The following LYG1 variants were observed in gnomAD, a reference collection of about 807,000 sequenced individuals.
LYG1 encodes lysozyme g1.
LYG1 carries 17 observed loss-of-function variants against 21.7 expected under a neutral mutation model. The observed-to-expected ratio is 0.78, with a 90% CI of 0.54 to 1.18. LYG1 has a LOEUF of 1.18. Among genes scored for constraint, LYG1 ranks in the 50% most tolerant of loss-of-function variants. The probability of loss-of-function intolerance (pLI) is 0.00; values close to 1 mark genes in which losing one functional copy is unlikely to be tolerated. For missense variants in LYG1, 211 were observed against 238.1 expected (o/e 0.89, Z 0.75); for synonymous variants, 81 against 87.4 (o/e 0.93, Z 0.41).
chr2:99,304,193 G>T (rs1255841087), upstream of LYG1, among the ~76,000 whole-genome samples: 1 of 151,576 alleles, frequency 6.6e-6, no homozygotes, highest in Non-Finnish European at 1.5e-5. Context: ...TAATTGCCTT[G>T]TGTTGTGGGA....
intron 5 of LYG1, 135 bp from the exon 6 acceptor site, chr2:99,284,955 A>C: frequency 8.2e-7 from 1 of 1,226,712 alleles, no homozygotes; most frequent in Non-Finnish European, 1.1e-6. Flanking sequence ...TGCCACCGTC[A>C]GTCTCCTGTG....
At chr2:99,290,514 A>C (rs1046286301) in intron 5 of LYG1, among the ~76,000 whole-genome samples, 2 of 152,226 alleles carry the variant, frequency 1.3e-5, no homozygotes, top group African/African-American at 2.4e-5. Flanking sequence ...TTGAGAAATA[A>C]ATTTTTCTAA....
intron 1 of LYG1, among the ~76,000 whole-genome samples, chr2:99,299,614 G>C (rs1460415802): frequency 1.3e-5 from 2 of 151,670 alleles, no homozygotes; most frequent in Admixed American, 1.3e-4. Context: ...TAGTAAAGAC[G>C]GGGTTTCGCC....
At chr2:99,302,485 C>A (rs1221013983), upstream of LYG1, among the ~76,000 whole-genome samples, 1 of 152,166 alleles carries the variant, frequency 6.6e-6, no homozygotes, top group African/African-American at 2.4e-5. Flanking sequence ...CCAGGTTAGA[C>A]GTGTGTTCCT....
In LYG1 at chr2:99,292,616, C is replaced by T. The variant is rs927017016; in HGVS notation, c.68G>A (p.Gly23Glu). Residue 23 changes from glycine (G) to glutamate (E), a missense_variant, in exon 4 of 7, where the codon GGA becomes GAA. Transcript: ENST00000308528. ...CAGGCTTTGGATGTTTCCATAGCAT[C>T]CCCAGTTGCTGCTTTCAGACAAGTC... is the stretch of plus-strand genomic sequence containing the variant. ...LMDLSESSNW[G>E]CYGNIQSLDT... 6.2e-7 allele frequency: 1 copy of T among 1,614,032 alleles called. No individual in the cohort carries two copies. The highest frequency in any genetic ancestry group is 8.5e-7 in the Non-Finnish European group (1 of 1,179,892).
chr2:99,284,613 A>C, intron 6 of LYG1, 75 bp downstream of exon 6: 1 of 1,593,188 alleles, frequency 6.3e-7, no homozygotes, highest in South Asian at 1.1e-5. Context: ...AGTTTCGGGG[A>C]ATCTGGTGCA....
At chr2:99,293,795 C>T (rs2094127999) in intron 3 of LYG1, among the ~76,000 whole-genome samples, 1 of 152,106 alleles carries the variant, frequency 6.6e-6, no homozygotes, top group South Asian at 2.1e-4. Flanking sequence ...ACAATTCACA[C>T]CAGAATGGGG....
chr2:99,299,106 T>C (rs1241871712), intron 1 of LYG1, among the ~76,000 whole-genome samples: 2 of 151,806 alleles, frequency 1.3e-5, no homozygotes, highest in Non-Finnish European at 2.9e-5. Flanking sequence ...TTTGTATTTT[T>C]AGTAGAGATG....
chr2:99,300,090 T>C (rs1161411992), intron 1 of LYG1, among the ~76,000 whole-genome samples: 1 of 152,176 alleles, frequency 6.6e-6, no homozygotes, highest in Non-Finnish European at 1.5e-5. Context: ...TCTTTTTTTT[T>C]TTGAGAAAAA....
chr2:99,285,900 T>C (rs2094098164), intron 5 of LYG1, among the ~76,000 whole-genome samples: 1 of 152,120 alleles, frequency 6.6e-6, no homozygotes, highest in Non-Finnish European at 1.5e-5. Flanking sequence ...AAAAGACAGG[T>C]GCTATAATTT....
rs970584552 is a variant in LYG1 at position 99,292,467 on chromosome 2, C to T, written c.148+69G>A. On this transcript the variant is annotated intron_variant, in intron 4 of 6. Transcript: ENST00000308528. ...CATACCCGGAACTCTTTCCAACACT[C>T]AGTAGCGTGAGGCATGGGAAACAGT... 5.1e-6 allele frequency: 6 copies of T among 1,170,234 alleles called. No individual in the cohort carries two copies. In the African/African-American group the frequency reaches 7.5e-5, roughly 15 times the overall value. 72.5% of individuals were successfully genotyped at this position (1,170,234 alleles called of 1,614,324 possible). A position where few individuals can be genotyped will look rare whatever the true frequency, so the allele number is the denominator to read the frequency against.
intron 1 of LYG1, among the ~76,000 whole-genome samples, chr2:99,299,288 T>A (rs1251349591): frequency 2.0e-5 from 3 of 149,854 alleles, no homozygotes; most frequent in Non-Finnish European, 4.5e-5. Flanking sequence ...TTTTTTCTTT[T>A]TTTTTTTTTT....
chr2:99,298,680 A>G (rs2094144587), intron 1 of LYG1, 131 bp from the exon 2 acceptor site: 1 of 152,228 alleles, frequency 6.6e-6, no homozygotes, highest in Non-Finnish European at 1.5e-5. Flanking sequence ...CCAGCCCAGA[A>G]ATGTGACGTA....
upstream of LYG1, among the ~76,000 whole-genome samples, chr2:99,303,911 C>T (rs1390937313): frequency 6.6e-6 from 1 of 151,884 alleles, no homozygotes; most frequent in Non-Finnish European, 1.5e-5. Flanking sequence ...GTGGCTCACG[C>T]CTGTAATCCC....
chr2:99,284,881 C>A, intron 5 of LYG1, 61 bp from the exon 6 acceptor site: 1 of 1,593,114 alleles, frequency 6.3e-7, no homozygotes, highest in South Asian at 1.1e-5. Context: ...ATCCGGCTTA[C>A]TGGGCTCAAT....
chr2:99,291,524 C>T (rs1293291777), intron 4 of LYG1, 103 bp from the exon 5 acceptor site: 12 of 1,274,680 alleles, frequency 9.4e-6, no homozygotes, highest in African/African-American at 3.0e-5. Flanking sequence ...GAGTAATGGT[C>T]GAGGACTGAC....
intron 2 of LYG1, among the ~76,000 whole-genome samples, chr2:99,298,040 G>A (rs1050450472): frequency 5.3e-5 from 8 of 152,188 alleles, no homozygotes; most frequent in African/African-American, 1.9e-4. Flanking sequence ...GATGAACAAT[G>A]TCATTTTGTC....
intron 1 of LYG1, among the ~76,000 whole-genome samples, 195 bp downstream of exon 1, chr2:99,300,850 TTGTAA>T (rs1370112318): frequency 7.9e-6 from 1 of 126,640 alleles, no homozygotes; most frequent in African/African-American, 3.1e-5. Flanking sequence ...TTGATGAGTG[TTGTAA>T]TGAACAGGAA....
intron 5 of LYG1, among the ~76,000 whole-genome samples, chr2:99,285,372 C>T (rs1231248692): frequency 6.7e-6 from 1 of 149,708 alleles, no homozygotes; most frequent in South Asian, 2.1e-4. Context: ...CAGAGTGAGA[C>T]CCTGTCTTAA....
Sources: gnomAD v4.1 joint callset for allele counts (sites outside exome capture counted in the v4.1 genomes callset) on GRCh38, gnomAD v4.1.1 for gene constraint, MANE v1.5 for transcripts, NCBI Gene and HGNC (gene_info 2026-07-23, HGNC 2026-07-21) for gene names.